Variants in TUSC3 observed in about 807,000 individuals in gnomAD.
The protein encoded by TUSC3 is tumor suppressor candidate 3.
In TUSC3, 45 loss-of-function variants were observed where a neutral mutation model predicts 44.8. The ratio of observed to expected loss-of-function variants is 1.00; its 90% CI spans 0.79 to 1.29. The LOEUF (loss-of-function observed/expected upper bound fraction) is 1.29, where lower values mean the gene tolerates loss of function less well. Ranked by LOEUF, TUSC3 falls within the 50% of genes most tolerant of loss-of-function variation. The pLI is 0.00. For missense variants in TUSC3, 519 were observed against 437.9 expected, an observed-to-expected ratio of 1.19 and a Z score of -1.65; for synonymous variants, 212 against 152.9, an observed-to-expected ratio of 1.39 and a Z score of -2.85.
intron 1 of TUSC3, among the ~76,000 whole-genome samples, chr8:15,429,923 T>C (rs185372355): frequency 1.3e-5 from 2 of 151,730 alleles, no homozygotes; most frequent in African/African-American, 4.9e-5. Flanking sequence ...GTCCCAAGAC[T>C]AAACCAGGAA....
chr8:15,653,940 A>G (rs1807032525), intron 3 of TUSC3, among the ~76,000 whole-genome samples: 1 of 152,142 alleles, frequency 6.6e-6, no homozygotes, highest in African/African-American at 2.4e-5. Flanking sequence ...AAGTAACTTC[A>G]ATTATATGTG....
intron 9 of TUSC3, among the ~76,000 whole-genome samples, chr8:15,752,451 A>G (rs1185214848): frequency 6.6e-6 from 1 of 152,144 alleles, no homozygotes; most frequent in Non-Finnish European, 1.5e-5. Flanking sequence ...TTCTTAACCA[A>G]TTTGGGTGAA....
At chr8:15,573,193 T>TCA in intron 1 of TUSC3, among the ~76,000 whole-genome samples, 1 of 95,230 alleles carries the variant, frequency 1.1e-5, no homozygotes, top group Admixed American at 1.1e-4. Flanking sequence ...TCTCTCTCTC[T>TCA]CTCTCTCTCT....
At chr8:15,614,438 T>C (rs1585154797) in intron 1 of TUSC3, among the ~76,000 whole-genome samples, 1 of 152,234 alleles carries the variant, frequency 6.6e-6, no homozygotes, top group East Asian at 1.9e-4. Context: ...TGTGACTGTT[T>C]ACAGTTAATC....
At chr8:15,749,131 A>AT (rs67542161) in intron 9 of TUSC3, among the ~76,000 whole-genome samples, 1 of 114,682 alleles carries the variant, frequency 8.7e-6, no homozygotes, top group African/African-American at 3.5e-5. Flanking sequence ...ATAACTTAAC[A>AT]TTTTTTTCTT....
the TUSC3 span, among the ~76,000 whole-genome samples, chr8:15,817,387 G>A: frequency 6.6e-6 from 1 of 151,948 alleles, no homozygotes; most frequent in Non-Finnish European, 1.5e-5. Context: ...TGCTCAAAGG[G>A]TAACTATGTG....
chr8:15,440,851 ATGCTAGCAAC>A (rs1800012095), intron 1 of TUSC3, among the ~76,000 whole-genome samples: 1 of 152,132 alleles, frequency 6.6e-6, no homozygotes, highest in African/African-American at 2.4e-5. Context: ...TAGGTTGGAG[ATGCTAGCAAC>A]TGCCTCCCCA....
chr8:15,827,992 ATC>A, the TUSC3 span, among the ~76,000 whole-genome samples: 2 of 81,006 alleles, frequency 2.5e-5, no homozygotes, highest in Admixed American at 3.0e-4. Flanking sequence ...AGAATTTGGT[ATC>A]TTTTTTTTTT....
At chr8:15,421,279 A>T (rs764878735) in intron 1 of TUSC3, among the ~76,000 whole-genome samples, 12 of 152,086 alleles carry the variant, frequency 7.9e-5, no homozygotes, top group Non-Finnish European at 1.6e-4. Flanking sequence ...ATGGCCTACC[A>T]GGCCCTATCA....
intron 1 of TUSC3, among the ~76,000 whole-genome samples, chr8:15,606,999 C>T (rs1300045406): frequency 1.3e-5 from 2 of 151,428 alleles, no homozygotes; most frequent in African/African-American, 4.9e-5. Flanking sequence ...TATTTTAATC[C>T]AGTTAATATT....
intron 2 of TUSC3, among the ~76,000 whole-genome samples, chr8:15,514,637 G>A (rs1801190192): frequency 6.6e-6 from 1 of 152,118 alleles, no homozygotes; most frequent in South Asian, 2.1e-4. Context: ...CTTTTGATAT[G>A]GAAGAGCCTA....
At chr8:15,549,318 C>G (rs547443464) in intron 1 of TUSC3, among the ~76,000 whole-genome samples, 1 of 151,604 alleles carries the variant, frequency 6.6e-6, no homozygotes, top group Non-Finnish European at 1.5e-5. Flanking sequence ...GGATTACAGG[C>G]GCACGCCACC....
intron 1 of TUSC3, among the ~76,000 whole-genome samples, chr8:15,593,418 CA>C (rs1803936484): frequency 6.6e-6 from 1 of 152,134 alleles, no homozygotes. Context: ...CAATGTTTAT[CA>C]CTTACTAAAA....
chr8:15,502,200 C>A (rs909141379), intron 2 of TUSC3, among the ~76,000 whole-genome samples: 2 of 152,242 alleles, frequency 1.3e-5, no homozygotes, highest in East Asian at 1.9e-4. Flanking sequence ...TCTTTCTTTG[C>A]GCAAGTTTTT....
intron 1 of TUSC3, among the ~76,000 whole-genome samples, chr8:15,433,714 C>T (rs892889582): frequency 6.6e-6 from 1 of 152,068 alleles, no homozygotes; most frequent in African/African-American, 2.4e-5. Context: ...CTCACTTTGC[C>T]TGCCTTTGTT....
chr8:15,477,952 A>G (rs1055846914), intron 1 of TUSC3, among the ~76,000 whole-genome samples: 6 of 152,060 alleles, frequency 3.9e-5, no homozygotes, highest in Admixed American at 1.3e-4. Flanking sequence ...TAAAAATTTA[A>G]TTTAATTAAG....
At chr8:15,652,471 A>G (rs532537446) in intron 3 of TUSC3, among the ~76,000 whole-genome samples, 1 of 152,298 alleles carries the variant, frequency 6.6e-6, no homozygotes, top group Admixed American at 6.5e-5. Context: ...TTCAGCAAAT[A>G]GTTTTGCTCC....
chr8:15,728,287 C>G (rs953806041), intron 6 of TUSC3, among the ~76,000 whole-genome samples: 2 of 152,092 alleles, frequency 1.3e-5, no homozygotes, highest in African/African-American at 4.8e-5. Flanking sequence ...GAGGCTATTG[C>G]AATCATCTAG....
intron 1 of TUSC3, among the ~76,000 whole-genome samples, chr8:15,554,522 G>A (rs1313923633): frequency 1.3e-5 from 2 of 150,788 alleles, no homozygotes; most frequent in African/African-American, 4.9e-5. Context: ...TAAATACTGA[G>A]ATTTGGAGCT....
Sources: gnomAD v4.1 joint callset for allele counts (sites outside exome capture counted in the v4.1 genomes callset) on GRCh38, gnomAD v4.1.1 for gene constraint, MANE v1.5 for transcripts, NCBI Gene and HGNC (gene_info 2026-07-23, HGNC 2026-07-21) for gene names.